The following PCCA variants were observed in gnomAD, a reference collection of about 807,000 sequenced individuals.
PCCA encodes the protein propionyl-CoA carboxylase subunit alpha, also known as propionyl-CoA carboxylase alpha chain, mitochondrial.
PCCA carries 74 observed loss-of-function variants against 101.3 expected under a neutral mutation model. The observed-to-expected ratio is 0.73, with a 90% CI of 0.61 to 0.89. The LOEUF (loss-of-function observed/expected upper bound fraction) is 0.89, where lower values mean the gene tolerates loss of function less well. Among genes scored for constraint, PCCA ranks in the 40% least tolerant of loss-of-function variants. The pLI is 0.00. For synonymous variants in PCCA, 294 were observed against 313.6 expected, an observed-to-expected ratio of 0.94 and a Z score of 0.66; for missense variants, 891 against 907.0, an observed-to-expected ratio of 0.98 and a Z score of 0.23.
intron 21 of PCCA, among the ~76,000 whole-genome samples, chr13:100,493,139 A>G (rs2085023874): frequency 6.6e-6 from 1 of 152,222 alleles, no homozygotes; most frequent in Non-Finnish European, 1.5e-5. Flanking sequence ...ATGGGGCCAG[A>G]GCCCAAAAGT....
At chr13:100,143,545 A>T (rs559197575) in intron 4 of PCCA, among the ~76,000 whole-genome samples, 74 of 143,484 alleles carry the variant, frequency 5.2e-4, no homozygotes, top group African/African-American at 1.3e-3. Flanking sequence ...CACAAAAAAA[A>T]AAAAATAAAA....
intron 12 of PCCA, among the ~76,000 whole-genome samples, chr13:100,281,958 T>C (rs2064156975): frequency 1.3e-5 from 2 of 152,246 alleles, no homozygotes; most frequent in African/African-American, 4.8e-5. Context: ...AGTTTACCTC[T>C]TAAATGAGAG....
At chr13:100,234,907 A>G (rs1356048289) in intron 7 of PCCA, among the ~76,000 whole-genome samples, 3 of 151,836 alleles carry the variant, frequency 2.0e-5, no homozygotes, top group Admixed American at 2.0e-4. Flanking sequence ...ACACACACAC[A>G]CACACACCCC....
intron 21 of PCCA, among the ~76,000 whole-genome samples, chr13:100,502,754 G>A (rs1003260698): frequency 6.6e-6 from 1 of 152,206 alleles, no homozygotes; most frequent in African/African-American, 2.4e-5. Flanking sequence ...TAGGAGTAAA[G>A]GACAGGGATT....
intron 18 of PCCA, among the ~76,000 whole-genome samples, chr13:100,349,215 C>T (rs1175147976): frequency 6.6e-6 from 1 of 152,018 alleles, no homozygotes; most frequent in African/African-American, 2.4e-5. Flanking sequence ...CCTCCACCTC[C>T]CAGGTTCAAG....
At chr13:100,402,744 A>AG (rs1226076558) in intron 19 of PCCA, among the ~76,000 whole-genome samples, 5 of 152,172 alleles carry the variant, frequency 3.3e-5, no homozygotes, top group South Asian at 2.1e-4. Flanking sequence ...TGGTAGGGGC[A>AG]GGGGGGATGA....
At position 100,458,426 on chromosome 13, in the gene PCCA, CACACACACACACAT is replaced by C. The variant is rs1203914729; in HGVS notation, c.1899+9135_1899+9148del. Among the ~76,000 whole-genome samples, 426 of 95,934 alleles carry C rather than the reference CACACACACACACAT, an allele frequency of 4.4e-3. 13 individuals carry two copies. In the East Asian group the frequency reaches 0.062, roughly 14 times the overall value. The allele number at this position is 95,934 out of a possible 152,430, so 62.9% of individuals were successfully genotyped here. On this transcript the variant is annotated intron_variant, in intron 21 of 23. Coordinates refer to ENST00000376285, the MANE Select transcript of PCCA (RefSeq NM_000282.4). ...CAGTGGGACCCCATCTCTGCGCGCA[CACACACACACACAT>C]ACACACACACACACACACACACACA...
At chr13:100,441,339 A>C (rs1159044690) in intron 20 of PCCA, among the ~76,000 whole-genome samples, 1 of 152,246 alleles carries the variant, frequency 6.6e-6, no homozygotes, top group Non-Finnish European at 1.5e-5. Flanking sequence ...GTTGGAAATC[A>C]GTGAGGGGAA....
intron 20 of PCCA, among the ~76,000 whole-genome samples, chr13:100,429,772 A>C (rs2079406482): frequency 6.6e-6 from 1 of 151,636 alleles, no homozygotes; most frequent in Admixed American, 6.6e-5. Context: ...ATGCCTCGCT[A>C]ATTTTTGTAT....
chr13:100,427,905 A>G (rs1348999972), intron 20 of PCCA, among the ~76,000 whole-genome samples: 3 of 152,178 alleles, frequency 2.0e-5, no homozygotes, highest in African/African-American at 7.2e-5. Flanking sequence ...CTGTGTTATC[A>G]GGTGTAGTTT....
At chr13:100,211,779 C>T (rs953262567) in intron 7 of PCCA, among the ~76,000 whole-genome samples, 3 of 152,026 alleles carry the variant, frequency 2.0e-5, no homozygotes, top group Admixed American at 6.6e-5. Flanking sequence ...CTTGTTCTAT[C>T]ACCCAGGCTA....
Position 100,262,933 on chromosome 13 carries a change from C to T in PCCA, c.819+102C>T, listed in dbSNP as rs866298275. 1.5e-4 allele frequency: 98 copies of T among 674,884 alleles called. 2 individuals are homozygous for T. Among genetic ancestry groups the T allele is most frequent in the South Asian group, 1.3e-3 (74 of 58,184 alleles). The allele number at this position is 674,884 out of a possible 1,614,324, so 41.8% of individuals were successfully genotyped here. ...CCATTTAGAATGATTGTGAGTTGTG[C>T]CTTTAGAATCTGTTGTACTTTCCGT... On this transcript the variant is annotated intron_variant, in intron 10 of 23. Transcript: ENST00000376285.
At chr13:100,259,446 T>C (rs1192896585) in intron 9 of PCCA, among the ~76,000 whole-genome samples, 1 of 149,452 alleles carries the variant, frequency 6.7e-6, no homozygotes, top group African/African-American at 2.5e-5. Flanking sequence ...GTGATTCTCC[T>C]GCCTCAGCCT....
At chr13:100,359,133 G>C (rs1036760743) in intron 18 of PCCA, among the ~76,000 whole-genome samples, 4 of 150,506 alleles carry the variant, frequency 2.7e-5, no homozygotes, top group African/African-American at 9.7e-5. Context: ...GAAAAAAGCT[G>C]TTTAAAAAAA....
intron 8 of PCCA, chr13:100,236,865 A>G (rs1293554485): frequency 2.6e-5 from 4 of 152,246 alleles, no homozygotes; most frequent in African/African-American, 9.6e-5. Context: ...ATGGATTAAC[A>G]ATATTGTTAA....
intron 19 of PCCA, among the ~76,000 whole-genome samples, chr13:100,416,366 G>T (rs2078362887): frequency 6.6e-6 from 1 of 151,922 alleles, no homozygotes; most frequent in Admixed American, 6.6e-5. Flanking sequence ...ATTTTTAGTA[G>T]AGAGAAAGTT....
intron 20 of PCCA, among the ~76,000 whole-genome samples, chr13:100,428,755 T>C (rs2079344023): frequency 6.6e-6 from 1 of 152,120 alleles, no homozygotes; most frequent in Non-Finnish European, 1.5e-5. Flanking sequence ...GTAATGCTGC[T>C]GGTCTGGGCC....
chr13:100,095,615 G>A (rs1379327356), intron 1 of PCCA, among the ~76,000 whole-genome samples: 4 of 152,220 alleles, frequency 2.6e-5, no homozygotes, highest in Non-Finnish European at 1.5e-5. Flanking sequence ...AGCCAGCCAT[G>A]TGACTATATG....
chr13:100,291,933 C>G (rs2065157017), intron 12 of PCCA, among the ~76,000 whole-genome samples: 1 of 152,204 alleles, frequency 6.6e-6, no homozygotes, highest in South Asian at 2.1e-4. Context: ...TTTCGTTCAG[C>G]CACAGAGGGA....
Sources: gnomAD v4.1 joint callset for allele counts (sites outside exome capture counted in the v4.1 genomes callset) on GRCh38, gnomAD v4.1.1 for gene constraint, MANE v1.5 for transcripts, NCBI Gene and HGNC (gene_info 2026-07-23, HGNC 2026-07-21) for gene names.